Variants in DGKI observed in about 807,000 individuals in gnomAD.
DGKI encodes DAG kinase iota.
In DGKI, 55 loss-of-function variants were observed where a neutral mutation model predicts 147.5. The ratio of observed to expected loss-of-function variants is 0.37; its 90% CI spans 0.30 to 0.47. DGKI has a LOEUF of 0.47. Ranked by LOEUF, DGKI falls within the 20% of genes least tolerant of loss-of-function variation. The pLI is 1.00. For missense variants in DGKI, 1,007 were observed against 1,323.8 expected (o/e 0.76, Z 3.71); for synonymous variants, 469 against 477.1 (o/e 0.98, Z 0.22).
At position 137,397,410 on chromosome 7, in the gene DGKI, G is replaced by C; in HGVS notation, c.2924C>G (p.Pro975Arg). The change falls in exon 31 of 33, where the codon CCT (proline) becomes CGT (arginine). Residue 975 changes from proline (P) to arginine (R), a missense_variant. Transcript: ENST00000614521. ...EIVKYILDHG[P>R]SELLDMADSE... ...GTCTGCCATATCCAATAACTCGGAA[G>C]GTCCTAAATAAGAAGAAAGCAAGAT... 1 of 1,612,376 alleles carries C rather than the reference G, an allele frequency of 6.2e-7. No homozygotes were observed. Among genetic ancestry groups the C allele is most frequent in the Non-Finnish European group, 8.5e-7 (1 of 1,179,576 alleles).
intron 1 of DGKI, among the ~76,000 whole-genome samples, chr7:137,715,275 T>C (rs1446508382): frequency 6.6e-6 from 1 of 152,218 alleles, no homozygotes; most frequent in Non-Finnish European, 1.5e-5. Flanking sequence ...TCAACTCTTC[T>C]CAGTCCACTG....
chr7:137,658,749 C>T (rs976619150), intron 3 of DGKI, among the ~76,000 whole-genome samples: 1 of 152,222 alleles, frequency 6.6e-6, no homozygotes, highest in African/African-American at 2.4e-5. Context: ...TTTTACAAAT[C>T]AGGATTCTGA....
At chr7:137,794,656 G>A (rs1199975599) in intron 1 of DGKI, among the ~76,000 whole-genome samples, 1 of 152,202 alleles carries the variant, frequency 6.6e-6, no homozygotes, top group Non-Finnish European at 1.5e-5. Context: ...CAAGTAGCAA[G>A]TGGATAGCAA....
chr7:137,410,354 G>A (rs1002246999), intron 29 of DGKI, among the ~76,000 whole-genome samples: 26 of 152,150 alleles, frequency 1.7e-4, no homozygotes, highest in Admixed American at 1.2e-3. Context: ...GCAGTGAGCC[G>A]AGATCGTGCC....
chr7:137,471,937 A>ATATATACACATGTATATATTATATAT (rs1187574459), intron 23 of DGKI, among the ~76,000 whole-genome samples: 3 of 138,326 alleles, frequency 2.2e-5, no homozygotes, highest in African/African-American at 5.6e-5. Flanking sequence ...TGTATATATA[A>ATATATACACATGTATATATTATATAT]TATATACACA....
At chr7:137,584,280 C>T (rs1201592535) in intron 14 of DGKI, among the ~76,000 whole-genome samples, 2 of 152,082 alleles carry the variant, frequency 1.3e-5, no homozygotes, top group East Asian at 1.9e-4. Flanking sequence ...CCTGGAGATT[C>T]TTACACATAC....
chr7:137,767,960 G>A (rs1181723947), intron 1 of DGKI, among the ~76,000 whole-genome samples: 2 of 152,118 alleles, frequency 1.3e-5, no homozygotes, highest in African/African-American at 4.8e-5. Flanking sequence ...AGGATCACCT[G>A]AAGCCAGGAC....
At chr7:137,515,742 C>T (rs779550841) in intron 21 of DGKI, among the ~76,000 whole-genome samples, 1 of 152,064 alleles carries the variant, frequency 6.6e-6, no homozygotes, top group Non-Finnish European at 1.5e-5. Context: ...ATCTATCACA[C>T]TGAGATGTCG....
At chr7:137,689,826 G>C in intron 2 of DGKI, 68 bp downstream of exon 2, 1 of 1,109,866 alleles carries the variant, frequency 9.0e-7, no homozygotes, top group Non-Finnish European at 1.3e-6. Context: ...GTAACTAGAG[G>C]AATCCTGAGA....
In DGKI at chr7:137,609,321, T is replaced by G. The variant is rs552343641; in HGVS notation, c.1068+214A>C. Among the ~76,000 whole-genome samples, 6 of 152,252 alleles carry G rather than the reference T, an allele frequency of 3.9e-5. No individual in the cohort carries two copies. In the East Asian group the frequency reaches 1.2e-3, roughly 29 times the overall value. On this transcript the variant is annotated intron_variant, in intron 9 of 32. Coordinates refer to ENST00000614521, the MANE Select transcript of DGKI (RefSeq NM_001321708.2). ...GCTTGGATCTTCATCATCATCATCT[T>G]GGGGATAACATTTCCAGGCAAGCGC... is the stretch of plus-strand genomic sequence containing the variant.
At chr7:137,798,746 C>T (rs1287439139) in intron 1 of DGKI, among the ~76,000 whole-genome samples, 1 of 152,016 alleles carries the variant, frequency 6.6e-6, no homozygotes, top group Non-Finnish European at 1.5e-5. Context: ...ATGCAAAAAT[C>T]CTCAACAAAA....
chr7:137,565,063 G>A (rs1255744599), intron 19 of DGKI, among the ~76,000 whole-genome samples: 2 of 152,204 alleles, frequency 1.3e-5, no homozygotes. Flanking sequence ...TTATGTCATT[G>A]TAATTTCCTT....
intron 1 of DGKI, chr7:137,771,678 A>G (rs1177974614): frequency 2.0e-5 from 3 of 152,236 alleles, no homozygotes; most frequent in Non-Finnish European, 4.4e-5. Context: ...TTGGTACACA[A>G]AATGACGCCA....
Position 137,463,627 on chromosome 7 carries a change from G to A in DGKI, c.2613-16C>T. 6.2e-7 allele frequency: 1 copy of A among 1,611,872 alleles called. No individual in the cohort carries two copies. The highest frequency in any genetic ancestry group is 8.5e-7 in the Non-Finnish European group (1 of 1,178,890). On this transcript the variant is annotated splice_polypyrimidine_tract_variant and intron_variant, in intron 26 of 32. Coordinates refer to ENST00000614521, the MANE Select transcript of DGKI (RefSeq NM_001321708.2). ...GTCTGAGATCCTGAGAGAAAGAAGG[G>A]CACCAGACAGTTAAACATTCAAAGT...
chr7:137,571,487 G>C (rs577166429), intron 18 of DGKI, among the ~76,000 whole-genome samples: 2 of 152,122 alleles, frequency 1.3e-5, no homozygotes, highest in South Asian at 4.1e-4. Context: ...CCATAATTTT[G>C]CAACAAAAGT....
intron 28 of DGKI, among the ~76,000 whole-genome samples, chr7:137,428,506 C>T (rs925997452): frequency 2.0e-5 from 3 of 152,054 alleles, no homozygotes; most frequent in African/African-American, 7.3e-5. Context: ...CAGGGATGCC[C>T]TCTCTCACCA....
At chr7:137,399,495 T>C (rs1260007320) in intron 30 of DGKI, among the ~76,000 whole-genome samples, 1 of 152,142 alleles carries the variant, frequency 6.6e-6, no homozygotes, top group Non-Finnish European at 1.5e-5. Flanking sequence ...CCCTTCTTGG[T>C]TAAAAATCCC....
rs551204125 is a variant in DGKI at position 137,425,555 on chromosome 7, C to T, written c.2762-13348G>A. Among the ~76,000 whole-genome samples, 13 of 152,312 alleles carry T rather than the reference C, an allele frequency of 8.5e-5. No individual in the cohort carries two copies. In the South Asian group the frequency reaches 2.7e-3, roughly 32 times the overall value. Reference sequence around the variant, plus strand: ...CAGAACAAAGATGGACGGAGAATGACTTTGACGAGTTGAGAGAAGAAGGCT... The same window carrying T: ...CAGAACAAAGATGGACGGAGAATGATTTTGACGAGTTGAGAGAAGAAGGCT... On this transcript the variant is annotated intron_variant, in intron 28 of 32. Coordinates refer to ENST00000614521, the MANE Select transcript of DGKI (RefSeq NM_001321708.2).
At chr7:137,627,971 C>T (rs1821000514) in intron 6 of DGKI, among the ~76,000 whole-genome samples, 1 of 152,160 alleles carries the variant, frequency 6.6e-6, no homozygotes, top group South Asian at 2.1e-4. Context: ...TGAGGCCATG[C>T]ATTTAAAACT....
Sources: gnomAD v4.1 joint callset for allele counts (sites outside exome capture counted in the v4.1 genomes callset) on GRCh38, gnomAD v4.1.1 for gene constraint, MANE v1.5 for transcripts, NCBI Gene and HGNC (gene_info 2026-07-23, HGNC 2026-07-21) for gene names.